The following NSMCE2 variants were observed in gnomAD, a reference collection of about 807,000 sequenced individuals.
NSMCE2 encodes the protein NSE2 SUMO ligase component of SMC5/6 complex, also known as E3 SUMO-protein ligase NSE2.
In NSMCE2, 24 loss-of-function variants were observed where a neutral mutation model predicts 23.8. The observed-to-expected ratio is 1.01, with a 90% CI of 0.73 to 1.42. The LOEUF is 1.42. Among genes scored for constraint, NSMCE2 ranks in the 40% most tolerant of loss-of-function variants. NSMCE2 has a pLI of 0.00. For synonymous variants in NSMCE2, 92 were observed against 94.1 expected (o/e 0.98, Z 0.13); for missense variants, 284 against 296.5 (o/e 0.96, Z 0.31).
chr8:125,328,215 C>T (rs567807000), intron 5 of NSMCE2, among the ~76,000 whole-genome samples: 2 of 150,702 alleles, frequency 1.3e-5, no homozygotes, highest in Non-Finnish European at 2.9e-5. Flanking sequence ...AGAATCATGT[C>T]CACAAGAAAC....
intron 5 of NSMCE2, among the ~76,000 whole-genome samples, chr8:125,352,401 G>A (rs563052888): frequency 1.1e-4 from 16 of 151,426 alleles, no homozygotes; most frequent in Non-Finnish European, 1.9e-4. Context: ...GCTTGAACCC[G>A]GGAGGCGGAG....
At chr8:125,270,354 A>G (rs534783349) in intron 5 of NSMCE2, among the ~76,000 whole-genome samples, 3 of 152,090 alleles carry the variant, frequency 2.0e-5, no homozygotes, top group Non-Finnish European at 2.9e-5. Context: ...AAACCCAGCT[A>G]CTCGGGAGGC....
chr8:125,244,505 T>C (rs938082735), intron 5 of NSMCE2, among the ~76,000 whole-genome samples: 2 of 152,176 alleles, frequency 1.3e-5, no homozygotes, highest in African/African-American at 2.4e-5. Flanking sequence ...GACTACCCTA[T>C]GTTGTTAAAA....
chr8:125,318,264 C>T (rs1829285258), intron 5 of NSMCE2, among the ~76,000 whole-genome samples: 1 of 152,008 alleles, frequency 6.6e-6, no homozygotes. Flanking sequence ...CAAAAACTAA[C>T]CAGATGTAGT....
chr8:125,299,401 GA>G (rs1380655764), intron 5 of NSMCE2, among the ~76,000 whole-genome samples: 3 of 152,154 alleles, frequency 2.0e-5, no homozygotes, highest in Non-Finnish European at 4.4e-5. Flanking sequence ...AATCATAGCA[GA>G]AGGTAAAGAG....
At chr8:125,348,085 A>G (rs1812855615) in intron 5 of NSMCE2, 1 of 152,214 alleles carries the variant, frequency 6.6e-6, no homozygotes, top group Admixed American at 6.5e-5. Context: ...TTTGCTTTGT[A>G]GGTGTCTGTT....
At chr8:125,102,202 A>T in intron 2 of NSMCE2, 56 bp downstream of exon 2, 1 of 732,076 alleles carries the variant, frequency 1.4e-6, no homozygotes, top group South Asian at 1.7e-5. Context: ...ATAGTGTGGC[A>T]TTTATGAGAT....
At chr8:125,226,528 A>T (rs1268555695) in intron 5 of NSMCE2, among the ~76,000 whole-genome samples, 2 of 152,022 alleles carry the variant, frequency 1.3e-5, no homozygotes, top group South Asian at 2.1e-4. Context: ...CTCATTCGTG[A>T]TGCTTGGGTG....
intron 5 of NSMCE2, among the ~76,000 whole-genome samples, chr8:125,297,132 A>G (rs566020721): frequency 1.3e-5 from 2 of 151,370 alleles, no homozygotes; most frequent in Non-Finnish European, 2.9e-5. Context: ...TGTCATAATC[A>G]CACACCCATT....
intron 3 of NSMCE2, among the ~76,000 whole-genome samples, chr8:125,122,129 A>T (rs1352796172): frequency 6.9e-6 from 1 of 145,436 alleles, no homozygotes; most frequent in South Asian, 2.2e-4. Flanking sequence ...AGTCCATTCT[A>T]TGCCAACTCT....
chr8:125,219,436 G>A (rs937699855), intron 5 of NSMCE2, among the ~76,000 whole-genome samples: 3 of 152,172 alleles, frequency 2.0e-5, no homozygotes, highest in Non-Finnish European at 4.4e-5. Flanking sequence ...AATAGCTTAA[G>A]TGTGATTCAC....
In NSMCE2 at chr8:125,323,332, A is replaced by T. The variant is rs1829528098; in HGVS notation, c.419-33887A>T. Among the ~76,000 whole-genome samples the T allele has an allele frequency of 2.6e-5, 4 of 152,352 alleles. No homozygotes were observed. In the South Asian group the frequency reaches 6.2e-4, roughly 24 times the overall value. ...AAATTCCTATAGAAACACAGAGGAC[A>T]TACAGCATCCAAAATAACTTTGGAA... On this transcript the variant is annotated intron_variant, in intron 5 of 7. Coordinates refer to ENST00000287437, the MANE Select transcript of NSMCE2 (RefSeq NM_173685.4).
intron 5 of NSMCE2, among the ~76,000 whole-genome samples, chr8:125,340,352 G>A (rs994220959): frequency 1.3e-5 from 2 of 152,110 alleles, no homozygotes; most frequent in African/African-American, 2.4e-5. Context: ...GCTCTTTACC[G>A]TTTAGTGACA....
intron 5 of NSMCE2, among the ~76,000 whole-genome samples, chr8:125,282,116 T>C (rs1158631395): frequency 1.7e-5 from 2 of 115,020 alleles, no homozygotes; most frequent in Non-Finnish European, 3.4e-5. Flanking sequence ...CATCCCTTAA[T>C]TTTTTTTTTT....
intron 3 of NSMCE2, among the ~76,000 whole-genome samples, chr8:125,131,024 A>G (rs538222949): frequency 4.4e-4 from 67 of 152,236 alleles, no homozygotes; most frequent in African/African-American, 1.5e-3. Flanking sequence ...TCAGAACACC[A>G]TTTCCAAGGT....
chr8:125,366,685 CCTTA>C (rs1813811389), intron 7 of NSMCE2, 79 bp from the exon 8 acceptor site: 1 of 783,362 alleles, frequency 1.3e-6, no homozygotes, highest in Non-Finnish European at 2.2e-6. Context: ...CAGTAAAATG[CCTTA>C]CTTAAACACT....
intron 5 of NSMCE2, among the ~76,000 whole-genome samples, chr8:125,192,518 T>C (rs576630821): frequency 8.1e-6 from 1 of 124,010 alleles, no homozygotes; most frequent in African/African-American, 4.8e-5. Context: ...ATTATATGTA[T>C]ATGGTAGCAA....
intron 5 of NSMCE2, among the ~76,000 whole-genome samples, chr8:125,202,683 TTA>T (rs377023324): frequency 3.9e-5 from 6 of 152,368 alleles, no homozygotes; most frequent in African/African-American, 1.4e-4. Flanking sequence ...ATTTTTGAAC[TTA>T]TTAGAGGCAT....
rs117320681 is a variant in NSMCE2, at chr8:125,302,534, G to A, written c.419-54685G>A. Among the ~76,000 whole-genome samples, 947 of 152,306 alleles carry A rather than the reference G, an allele frequency of 6.2e-3. 7 individuals carry two copies. Among genetic ancestry groups the A allele is most frequent in the Middle Eastern group, 0.02 (6 of 294 alleles). On this transcript the variant is annotated intron_variant, in intron 5 of 7. Transcript: ENST00000287437. ...TTACTTAGAGGTTAATATGGGGTGA[G>A]AATTGAGAGAAGAATGATAACTACT... is the stretch of plus-strand genomic sequence containing the variant.
Sources: gnomAD v4.1 joint callset for allele counts (sites outside exome capture counted in the v4.1 genomes callset) on GRCh38, gnomAD v4.1.1 for gene constraint, MANE v1.5 for transcripts, NCBI Gene and HGNC (gene_info 2026-07-23, HGNC 2026-07-21) for gene names.